The following SLC2A13 variants were observed in gnomAD, a reference collection of about 807,000 sequenced individuals.
SLC2A13 encodes solute carrier family 2 member 13, also known as proton myo-inositol cotransporter.
A neutral mutation model predicts 64.4 loss-of-function variants in SLC2A13; 32 were observed. The observed-to-expected ratio is 0.50, with a 90% CI of 0.37 to 0.67. SLC2A13 has a LOEUF of 0.67. SLC2A13 is among the 30% of genes least tolerant of loss of function. The pLI is 0.00. For missense variants in SLC2A13, 743 were observed against 829.2 expected (o/e 0.90, Z 1.28); for synonymous variants, 338 against 327.1 (o/e 1.03, Z -0.36).
At chr12:39,924,688 A>G (rs1171026379) in intron 4 of SLC2A13, among the ~76,000 whole-genome samples, 1 of 151,804 alleles carries the variant, frequency 6.6e-6, no homozygotes, top group African/African-American at 2.4e-5. Context: ...TTTTCTTTCA[A>G]TTTTTGAGGA....
chr12:39,900,278 C>A (rs575246974), intron 4 of SLC2A13, among the ~76,000 whole-genome samples: 1,780 of 152,202 alleles, frequency 0.012, 27 homozygotes, highest in African/African-American at 0.039. Context: ...TGAAAACTGG[C>A]ACAAGACAGG....
chr12:39,896,206 A>G (rs1041670950), intron 4 of SLC2A13, among the ~76,000 whole-genome samples: 11 of 148,174 alleles, frequency 7.4e-5, no homozygotes, highest in African/African-American at 2.5e-4. Flanking sequence ...GTATGTATAC[A>G]TGTATATACG....
chr12:40,072,197 T>C (rs1333722762), intron 1 of SLC2A13, among the ~76,000 whole-genome samples: 1 of 152,140 alleles, frequency 6.6e-6, no homozygotes, highest in East Asian at 1.9e-4. Flanking sequence ...CTGCAAGCAT[T>C]TTGGAATTAT....
chr12:40,065,461 T>G (rs948962472), intron 1 of SLC2A13, among the ~76,000 whole-genome samples: 2 of 150,208 alleles, frequency 1.3e-5, no homozygotes, highest in Admixed American at 6.6e-5. Flanking sequence ...AGTGCATGCC[T>G]GTAGTCCTAG....
intron 3 of SLC2A13, among the ~76,000 whole-genome samples, chr12:39,962,898 A>T (rs1302440187): frequency 5.9e-5 from 9 of 152,218 alleles, no homozygotes; most frequent in Non-Finnish European, 1.0e-4. Flanking sequence ...GTGGAAATGC[A>T]TGAGAAATAT....
chr12:40,100,096 GA>G lies in SLC2A13; in HGVS notation c.556+5156del, dbSNP rs528336498. Among the ~76,000 whole-genome samples the G allele has an allele frequency of 1.2e-4, 18 of 151,844 alleles. No homozygotes were observed. In the East Asian group the frequency reaches 3.5e-3, roughly 29 times the overall value. ...TGAGGAAGAATTCAAAGTGCTGTTT[GA>G]AAAAAAATGTGGTATTTTTAAAAGT... is the stretch of plus-strand genomic sequence containing the variant. On this transcript the variant is annotated intron_variant, in intron 1 of 9. Coordinates refer to ENST00000280871, the MANE Select transcript of SLC2A13 (RefSeq NM_052885.4).
At chr12:39,799,632 T>C (rs1460554907) in intron 7 of SLC2A13, among the ~76,000 whole-genome samples, 1 of 151,902 alleles carries the variant, frequency 6.6e-6, no homozygotes, top group East Asian at 1.9e-4. Flanking sequence ...GTCAAAAAGA[T>C]TGGAAAAATC....
chr12:40,048,006 C>CA, intron 2 of SLC2A13, 45 bp downstream of exon 2: 5 of 1,535,028 alleles, frequency 3.3e-6, no homozygotes, highest in Non-Finnish European at 3.5e-6. Flanking sequence ...TCCCCTTCCC[C>CA]AAAATCAAGA....
rs560050091 is a variant in SLC2A13, at chr12:40,005,588, A to T, written c.925+22713T>A. Among the ~76,000 whole-genome samples, 10 of 152,314 alleles carry T rather than the reference A, an allele frequency of 6.6e-5. No homozygotes were observed. In the South Asian group the frequency reaches 1.7e-3, roughly 25 times the overall value. ...AAAAGCAGCACTGGCATCACCTGAA[A>T]CTTGCTAGAAATGCAAATTCTTAGG... On this transcript the variant is annotated intron_variant, in intron 3 of 9. Coordinates refer to ENST00000280871, the MANE Select transcript of SLC2A13 (RefSeq NM_052885.4).
At chr12:40,058,718 T>C (rs1948372177) in intron 1 of SLC2A13, among the ~76,000 whole-genome samples, 1 of 152,188 alleles carries the variant, frequency 6.6e-6, no homozygotes, top group Non-Finnish European at 1.5e-5. Context: ...TTTACAACAT[T>C]TGAACAAACT....
At chr12:39,764,284 CCT>C (rs1940268948) in intron 9 of SLC2A13, among the ~76,000 whole-genome samples, 174 bp downstream of exon 9, 1 of 151,962 alleles carries the variant, frequency 6.6e-6, no homozygotes, top group Non-Finnish European at 1.5e-5. Context: ...TAGGAGAATC[CCT>C]CTCTTCTTTC....
At chr12:40,052,550 T>C (rs774035854) in intron 1 of SLC2A13, among the ~76,000 whole-genome samples, 35 of 152,024 alleles carry the variant, frequency 2.3e-4, no homozygotes, top group Non-Finnish European at 4.1e-4. Flanking sequence ...GAGTAACCCT[T>C]GAGCAGGGAA....
intron 3 of SLC2A13, among the ~76,000 whole-genome samples, chr12:39,980,189 G>A (rs961937301): frequency 2.0e-5 from 3 of 151,772 alleles, no homozygotes; most frequent in Non-Finnish European, 2.9e-5. Flanking sequence ...AACATGGAAA[G>A]GAACAACCAG....
chr12:39,761,290 T>G (rs1273132097), intron 9 of SLC2A13, among the ~76,000 whole-genome samples: 1 of 151,994 alleles, frequency 6.6e-6, no homozygotes, highest in East Asian at 1.9e-4. Context: ...TGTTGGCAGT[T>G]TATGATTCTG....
chr12:40,105,543 G>A lies in SLC2A13; in HGVS notation c.266C>T (p.Ala89Val). 6.3e-7 allele frequency: 1 copy of A among 1,580,552 alleles called. No individual in the cohort carries two copies. The highest frequency in any genetic ancestry group is 8.6e-7 in the Non-Finnish European group (1 of 1,166,398). Residue 89 changes from alanine (A) to valine (V), a missense_variant, in exon 1 of 10, where the codon GCG (alanine) becomes GTG (valine). Ala to Val is a moderately conservative substitution (Grantham distance 64, BLOSUM62 0). This residue lies in a region of SLC2A13 where 448 missense variants were observed against 447.4 expected (regional missense o/e 1.00). Transcript: ENST00000280871. The surrounding 1 kb of genome is among the most constrained non-coding windows in gnomAD (Gnocchi z 4.2). ...ATAGCCAAACAGGAAGCCGCCCAGCGCGGAGAAGACGGCCACCACGTACAC... is the reference window on the plus strand; with the variant it reads ...ATAGCCAAACAGGAAGCCGCCCAGCACGGAGAAGACGGCCACCACGTACAC... ...AFVYVVAVFS[A>V]LGGFLFGYDT...
At chr12:40,020,026 C>G (rs1362061174) in intron 3 of SLC2A13, among the ~76,000 whole-genome samples, 1 of 152,086 alleles carries the variant, frequency 6.6e-6, no homozygotes, top group Non-Finnish European at 1.5e-5. Context: ...AAAAATACTG[C>G]TTAGTACCAG....
At chr12:39,901,070 G>C (rs79538545) in intron 4 of SLC2A13, among the ~76,000 whole-genome samples, 7,666 of 152,176 alleles carry the variant, frequency 0.05, 333 homozygotes, top group Admixed American at 0.13. Context: ...ACAAACCTGA[G>C]AAAAACAAGC....
chr12:39,837,186 C>T (rs917790505), intron 6 of SLC2A13, among the ~76,000 whole-genome samples: 2 of 148,190 alleles, frequency 1.3e-5, no homozygotes, highest in Non-Finnish European at 3.0e-5. Flanking sequence ...AATAATGCCA[C>T]ATACCTACAA....
intron 3 of SLC2A13, among the ~76,000 whole-genome samples, chr12:39,980,801 A>G (rs1447550331): frequency 6.6e-6 from 1 of 152,108 alleles, no homozygotes; most frequent in Non-Finnish European, 1.5e-5. Flanking sequence ...CAGGAATTGA[A>G]CTCAGCTCTG....
Sources: allele counts gnomAD v4.1 joint callset (sites outside exome capture counted in the v4.1 genomes callset), GRCh38; gene constraint gnomAD v4.1.1; regional missense constraint gnomAD v4.1.1; non-coding constraint Gnocchi (gnomAD v3.1); transcripts MANE v1.5; gene names NCBI Gene and HGNC (gene_info 2026-07-23, HGNC 2026-07-21).